FAM227B: variants seen among roughly 807,000 people sequenced by gnomAD.
FAM227B encodes protein FAM227B.
Under a neutral mutation model 73.8 loss-of-function variants are expected in FAM227B, and 88 were observed. The observed-to-expected ratio is 1.19, with a 90% confidence interval of 1.00 to 1.42. The LOEUF (loss-of-function observed/expected upper bound fraction) is 1.42, where lower values mean the gene tolerates loss of function less well. Among genes scored for constraint, FAM227B ranks in the 40% most tolerant of loss-of-function variants. The probability of loss-of-function intolerance (pLI) is 0.00; values close to 1 mark genes in which losing one functional copy is unlikely to be tolerated. For synonymous variants in FAM227B, 210 were observed against 190.5 expected, an observed-to-expected ratio of 1.10 and a Z score of -0.84; for missense variants, 632 against 590.9, an observed-to-expected ratio of 1.07 and a Z score of -0.72.
At chr15:49,334,972 C>T (rs2039449914) in intron 14 of FAM227B, among the ~76,000 whole-genome samples, 1 of 152,200 alleles carries the variant, frequency 6.6e-6, no homozygotes, top group Non-Finnish European at 1.5e-5. Context: ...TTATGAATAA[C>T]TGCAAATGTT....
chr15:49,560,124 A>G (rs962680038), intron 9 of FAM227B, among the ~76,000 whole-genome samples: 3 of 152,190 alleles, frequency 2.0e-5, no homozygotes, highest in African/African-American at 4.8e-5. Context: ...ATCAACACAA[A>G]GAAACTTCTA....
At chr15:49,356,263 G>T (rs1414126700) in intron 13 of FAM227B, among the ~76,000 whole-genome samples, 5 of 151,800 alleles carry the variant, frequency 3.3e-5, no homozygotes, top group Admixed American at 6.6e-5. Context: ...TGGACTAAAT[G>T]CTCCAATTAA....
At chr15:49,424,779 T>C (rs2049983521) in intron 11 of FAM227B, 2 of 431,988 alleles carry the variant, frequency 4.6e-6, no homozygotes, top group Admixed American at 7.7e-5. Context: ...CTACTTACAT[T>C]ATAGTTGGAC....
intron 11 of FAM227B, among the ~76,000 whole-genome samples, chr15:49,491,447 C>T (rs1365711718): frequency 6.6e-6 from 1 of 151,844 alleles, no homozygotes; most frequent in Non-Finnish European, 1.5e-5. Flanking sequence ...GTTCAATATA[C>T]ACCTAGTAGT....
rs116236284 is a variant in FAM227B, at chr15:49,366,210, T to G, written c.1271+1238A>C. 6.5e-4 allele frequency: 512 copies of G among 793,558 alleles called. 4 individuals are homozygous for G. In the African/African-American group the frequency reaches 8.0e-3, roughly 12 times the overall value. 49.2% of individuals were successfully genotyped at this position (793,558 alleles called of 1,614,324 possible). On this transcript the variant is annotated intron_variant, in intron 13 of 15. Transcript: ENST00000299338. The stretch of plus-strand genomic sequence containing the variant: ...TTAGGCCACGATGGAGAACACATTT[T>G]CACAGTAATGTTATTTCCTAGAGTC...
chr15:49,503,372 C>T (rs1485372865), intron 11 of FAM227B, among the ~76,000 whole-genome samples: 1 of 152,136 alleles, frequency 6.6e-6, no homozygotes, highest in African/African-American at 2.4e-5. Context: ...TGGGCAAGGA[C>T]TTCATGTCTA....
chr15:49,430,527 G>A (rs1266660981), intron 11 of FAM227B, among the ~76,000 whole-genome samples: 4 of 151,792 alleles, frequency 2.6e-5, no homozygotes, highest in Non-Finnish European at 4.4e-5. Flanking sequence ...TGATATAAGA[G>A]AATACTGCAG....
intron 13 of FAM227B, among the ~76,000 whole-genome samples, chr15:49,360,751 A>T (rs989732426): frequency 6.6e-6 from 1 of 152,194 alleles, no homozygotes; most frequent in Non-Finnish European, 1.5e-5. Flanking sequence ...ATCATCCAAA[A>T]ATTATATTTA....
At chr15:49,396,746 T>G (rs1399100728) in intron 11 of FAM227B, among the ~76,000 whole-genome samples, 1 of 147,326 alleles carries the variant, frequency 6.8e-6, no homozygotes, top group African/African-American at 2.4e-5. Context: ...CACTGACACC[T>G]CACACGGCAG....
chr15:49,566,027 T>C (rs771409332), intron 9 of FAM227B, among the ~76,000 whole-genome samples: 57 of 152,180 alleles, frequency 3.7e-4, no homozygotes, highest in Non-Finnish European at 8.2e-4. Context: ...TAAGACTCAT[T>C]TGGGGCTCCT....
intron 11 of FAM227B, among the ~76,000 whole-genome samples, chr15:49,444,379 A>T (rs1266409272): frequency 6.6e-6 from 1 of 151,778 alleles, no homozygotes; most frequent in Non-Finnish European, 1.5e-5. Flanking sequence ...TTAAACAGTA[A>T]CAGATTATGT....
intron 13 of FAM227B, among the ~76,000 whole-genome samples, chr15:49,361,166 CATAA>C (rs2044161963): frequency 6.6e-6 from 1 of 151,962 alleles, no homozygotes; most frequent in Non-Finnish European, 1.5e-5. Context: ...CTTTTTACCC[CATAA>C]ATATATACAA....
At chr15:49,493,580 G>A (rs1356892760) in intron 11 of FAM227B, among the ~76,000 whole-genome samples, 1 of 151,926 alleles carries the variant, frequency 6.6e-6, no homozygotes, top group African/African-American at 2.4e-5. Flanking sequence ...GCCTTACGAT[G>A]ATTTTTCTCT....
At chr15:49,472,411 T>C (rs1253313789) in intron 11 of FAM227B, among the ~76,000 whole-genome samples, 1 of 152,186 alleles carries the variant, frequency 6.6e-6, no homozygotes, top group Non-Finnish European at 1.5e-5. Flanking sequence ...TTCTGCTGGG[T>C]ACCTTTTATG....
chr15:49,471,224 G>C (rs931671613), intron 11 of FAM227B, among the ~76,000 whole-genome samples: 2 of 150,384 alleles, frequency 1.3e-5, no homozygotes, highest in African/African-American at 4.9e-5. Context: ...AGTGACTCGT[G>C]CCTGTAATCC....
intron 13 of FAM227B, among the ~76,000 whole-genome samples, chr15:49,356,454 C>G (rs371441097): frequency 4.6e-3 from 687 of 150,742 alleles, no homozygotes; most frequent in South Asian, 0.011. Context: ...ATACAACAGA[C>G]TTTAAACCAA....
chr15:49,504,613 A>T (rs2058435474), intron 11 of FAM227B, among the ~76,000 whole-genome samples: 1 of 152,076 alleles, frequency 6.6e-6, no homozygotes, highest in Non-Finnish European at 1.5e-5. Context: ...TTTAAAAAAA[A>T]AAAGTGTGTG....
At chr15:49,480,629 C>T (rs1399239518) in intron 11 of FAM227B, among the ~76,000 whole-genome samples, 3 of 151,824 alleles carry the variant, frequency 2.0e-5, no homozygotes, top group Admixed American at 6.6e-5. Context: ...TTACAGGCAC[C>T]CGCCACCACA....
At chr15:49,503,303 A>T (rs1307500226) in intron 11 of FAM227B, among the ~76,000 whole-genome samples, 1 of 152,214 alleles carries the variant, frequency 6.6e-6, no homozygotes, top group Non-Finnish European at 1.5e-5. Flanking sequence ...TAAACGTTAG[A>T]CCTAAAACTA....
Sources: allele counts gnomAD v4.1 joint callset (sites outside exome capture counted in the v4.1 genomes callset), GRCh38; gene constraint gnomAD v4.1.1; transcripts MANE v1.5; gene names NCBI Gene and HGNC (gene_info 2026-07-23, HGNC 2026-07-21).